The following MAK variants were observed in gnomAD, a reference collection of about 807,000 sequenced individuals.
MAK encodes male germ cell associated kinase, also known as serine/threonine-protein kinase MAK.
Under a neutral mutation model 82.6 loss-of-function variants are expected in MAK, and 65 were observed. That is an observed-to-expected ratio of 0.79 (90% confidence interval 0.64 to 0.97). The LOEUF (loss-of-function observed/expected upper bound fraction) is 0.97. MAK is among the 50% of genes least tolerant of loss of function. The probability of loss-of-function intolerance (pLI) is 0.00; values close to 1 mark genes in which losing one functional copy is unlikely to be tolerated. For missense variants in MAK, 703 were observed against 780.2 expected (o/e 0.90, Z 1.18); for synonymous variants, 250 against 274.2 (o/e 0.91, Z 0.87).
At chr6:10,830,045 C>T (rs545496087) in intron 2 of MAK, among the ~76,000 whole-genome samples, 42 of 149,952 alleles carry the variant, frequency 2.8e-4, no homozygotes, top group African/African-American at 9.3e-4. Flanking sequence ...CCATGTTGGC[C>T]AAGCTGGTCT....
intron 13 of MAK, among the ~76,000 whole-genome samples, chr6:10,771,912 A>G (rs1189897812): frequency 5.3e-5 from 8 of 152,250 alleles, no homozygotes; most frequent in Non-Finnish European, 1.5e-5. Context: ...TGCATTCACT[A>G]GCAGCTTCAG....
At chr6:10,802,105 T>A (rs765066112) in intron 7 of MAK, 46 bp from the exon 8 acceptor site, 21 of 1,509,786 alleles carry the variant, frequency 1.4e-5, no homozygotes, top group Middle Eastern at 1.7e-4. Flanking sequence ...CAAAACAAAT[T>A]GTTTTTAGTA....
intron 13 of MAK, among the ~76,000 whole-genome samples, chr6:10,770,640 G>C (rs1476897647): frequency 6.6e-6 from 1 of 152,160 alleles, no homozygotes; most frequent in Non-Finnish European, 1.5e-5. Flanking sequence ...CTGTAAAATG[G>C]TTGTAAGTGG....
intron 11 of MAK, among the ~76,000 whole-genome samples, chr6:10,781,195 T>C (rs937185387): frequency 6.6e-6 from 1 of 152,182 alleles, no homozygotes; most frequent in African/African-American, 2.4e-5. Flanking sequence ...AGGCCTGCCA[T>C]GTTTACAGTC....
intron 1 of MAK, among the ~76,000 whole-genome samples, chr6:10,832,528 G>A (rs1778885525): frequency 1.3e-5 from 2 of 152,196 alleles, no homozygotes; most frequent in Non-Finnish European, 1.5e-5. Context: ...TCAACACAGA[G>A]GCAAAGCCCT....
intron 6 of MAK, among the ~76,000 whole-genome samples, chr6:10,804,203 C>G (rs1258996368): frequency 6.6e-6 from 1 of 152,092 alleles, no homozygotes; most frequent in South Asian, 2.1e-4. Context: ...AGTAGAAAAA[C>G]TATGTTACAA....
chr6:10,815,912 G>GTGTGTGTA (rs1554184483), intron 4 of MAK, among the ~76,000 whole-genome samples: 7 of 108,334 alleles, frequency 6.5e-5, no homozygotes, highest in East Asian at 2.5e-4. Flanking sequence ...GCTTTATACA[G>GTGTGTGTA]TATATATATA....
At chr6:10,835,061 C>G (rs138207991) in intron 1 of MAK, among the ~76,000 whole-genome samples, 1 of 152,200 alleles carries the variant, frequency 6.6e-6, no homozygotes, top group Non-Finnish European at 1.5e-5. Context: ...ACCGCTCCCC[C>G]GCCCCACGCA....
intron 14 of MAK, among the ~76,000 whole-genome samples, chr6:10,768,784 A>G (rs1430876817): frequency 6.6e-6 from 1 of 152,154 alleles, no homozygotes; most frequent in East Asian, 1.9e-4. Context: ...ATAAAAAAAT[A>G]AAGAAGTCCA....
At chr6:10,812,421 C>T (rs1014376078) in intron 5 of MAK, among the ~76,000 whole-genome samples, 1 of 152,002 alleles carries the variant, frequency 6.6e-6, no homozygotes, top group Non-Finnish European at 1.5e-5. Context: ...ATATGAAAAA[C>T]TACATTAATT....
At chr6:10,820,946 T>G in intron 2 of MAK, among the ~76,000 whole-genome samples, 1 of 152,126 alleles carries the variant, frequency 6.6e-6, no homozygotes, top group East Asian at 1.9e-4. Context: ...TATGATTCTT[T>G]TTATTTATTT....
intron 2 of MAK, among the ~76,000 whole-genome samples, chr6:10,825,874 T>C (rs1032430175): frequency 2.6e-5 from 4 of 152,172 alleles, no homozygotes; most frequent in Admixed American, 2.6e-4. Flanking sequence ...CCAACATGAC[T>C]GCACTGACCT....
At chr6:10,829,382 A>T (rs1778608823) in intron 2 of MAK, among the ~76,000 whole-genome samples, 1 of 152,176 alleles carries the variant, frequency 6.6e-6, no homozygotes, top group South Asian at 2.1e-4. Context: ...AGAAATAATA[A>T]GCCCTACTCT....
intron 1 of MAK, among the ~76,000 whole-genome samples, chr6:10,836,096 A>T (rs10484887): frequency 0.023 from 3,532 of 152,312 alleles, 230 homozygotes; most frequent in East Asian, 0.15. Context: ...CTTTCAACGG[A>T]TGATGGCTAT....
intron 12 of MAK, 87 bp from the exon 13 acceptor site, chr6:10,773,195 G>T: frequency 1.4e-6 from 1 of 738,556 alleles, no homozygotes; most frequent in Non-Finnish European, 2.1e-6. Context: ...GATGATTAAT[G>T]AAAAGATCCA....
chr6:10,787,728 G>T (rs780785174), intron 10 of MAK, among the ~76,000 whole-genome samples: 11 of 151,872 alleles, frequency 7.2e-5, no homozygotes, highest in Non-Finnish European at 1.2e-4. Flanking sequence ...GAGTGTGGTG[G>T]TGGGCACCTG....
chr6:10,772,921 C>A (rs922142362), intron 13 of MAK, 113 bp downstream of exon 13: 2 of 703,212 alleles, frequency 2.8e-6, no homozygotes, highest in Non-Finnish European at 5.0e-6. Context: ...GATCTGACTT[C>A]TCAAAGCGGA....
intron 13 of MAK, among the ~76,000 whole-genome samples, chr6:10,771,070 T>C (rs939100476): frequency 6.6e-6 from 1 of 152,036 alleles, no homozygotes; most frequent in Non-Finnish European, 1.5e-5. Context: ...AAAGACATGG[T>C]ACCCAGAGGA....
intron 12 of MAK, 101 bp downstream of exon 12, chr6:10,775,227 A>G (rs1360003431): frequency 7.2e-7 from 1 of 1,391,594 alleles, no homozygotes; most frequent in South Asian, 1.2e-5. Flanking sequence ...GTATCTCCCA[A>G]GTGCACATGT....
Sources: allele counts gnomAD v4.1 joint callset (sites outside exome capture counted in the v4.1 genomes callset), GRCh38; gene constraint gnomAD v4.1.1; transcripts MANE v1.5; gene names NCBI Gene and HGNC (gene_info 2026-07-23, HGNC 2026-07-21).